Variants in MAGI1 observed in about 807,000 individuals in gnomAD.
MAGI1 encodes the protein membrane-associated guanylate kinase, WW and PDZ domain-containing protein 1.
A neutral mutation model predicts 139.9 loss-of-function variants in MAGI1; 58 were observed. The observed-to-expected ratio is 0.41, with a 90% CI of 0.34 to 0.52. The LOEUF (loss-of-function observed/expected upper bound fraction) is 0.52, where lower values mean the gene tolerates loss of function less well. Ranked by LOEUF, MAGI1 falls within the 20% of genes least tolerant of loss-of-function variation. The pLI is 0.12. For synonymous variants in MAGI1, 812 were observed against 737.9 expected (o/e 1.10, Z -1.63); for missense variants, 1,874 against 1,901.6 (o/e 0.99, Z 0.27).
chr3:65,406,010 G>A (rs1575632403), intron 12 of MAGI1, among the ~76,000 whole-genome samples: 4 of 152,206 alleles, frequency 2.6e-5, no homozygotes, highest in Non-Finnish European at 5.9e-5. Flanking sequence ...ACAGGCGTGA[G>A]CCGCCACGCC....
At chr3:66,011,836 CAAA>C (rs74963127) in intron 1 of MAGI1, among the ~76,000 whole-genome samples, 5 of 99,006 alleles carry the variant, frequency 5.1e-5, no homozygotes, top group African/African-American at 3.5e-5. Context: ...TATGCTGAAC[CAAA>C]AAAAAAAAAA....
At chr3:65,579,370 T>G (rs114217507) in intron 2 of MAGI1, among the ~76,000 whole-genome samples, 1 of 152,154 alleles carries the variant, frequency 6.6e-6, no homozygotes, top group Non-Finnish European at 1.5e-5. Context: ...TTGGGCCTTA[T>G]ACAGTTCCTT....
chr3:65,767,179 C>T (rs912171353), intron 1 of MAGI1, among the ~76,000 whole-genome samples: 4 of 152,170 alleles, frequency 2.6e-5, no homozygotes, highest in African/African-American at 4.8e-5. Flanking sequence ...CAATAATCAC[C>T]TATTCACACA....
At chr3:65,932,265 T>C (rs1459911218) in intron 1 of MAGI1, among the ~76,000 whole-genome samples, 1 of 152,210 alleles carries the variant, frequency 6.6e-6, no homozygotes, top group Non-Finnish European at 1.5e-5. Context: ...TGGATTATGT[T>C]CTTTTCAAAT....
chr3:65,709,222 G>A (rs531687495), intron 1 of MAGI1, among the ~76,000 whole-genome samples: 13 of 152,286 alleles, frequency 8.5e-5, no homozygotes, highest in African/African-American at 2.4e-4. Flanking sequence ...AAGGGGCAAC[G>A]AGAAAATATG....
chr3:65,449,505 T>C (rs981195107), intron 6 of MAGI1, among the ~76,000 whole-genome samples: 2 of 152,182 alleles, frequency 1.3e-5, no homozygotes, highest in Non-Finnish European at 2.9e-5. Flanking sequence ...CCAGGCGTGG[T>C]GTCTCATGCC....
At chr3:65,559,997 C>T (rs1237529435) in intron 2 of MAGI1, among the ~76,000 whole-genome samples, 4 of 152,168 alleles carry the variant, frequency 2.6e-5, no homozygotes, top group African/African-American at 9.7e-5. Context: ...GATTGCACCA[C>T]TACACTCCAG....
At chr3:65,809,262 G>T (rs2041065570) in intron 1 of MAGI1, among the ~76,000 whole-genome samples, 1 of 152,164 alleles carries the variant, frequency 6.6e-6, no homozygotes, top group Non-Finnish European at 1.5e-5. Flanking sequence ...CTTGTTTCCG[G>T]ACACTTCAGC....
chr3:65,943,432 G>A (rs911467895), intron 1 of MAGI1, among the ~76,000 whole-genome samples: 2 of 152,066 alleles, frequency 1.3e-5, no homozygotes, highest in African/African-American at 4.8e-5. Context: ...AAAATTAGCT[G>A]GGCGTGGTGG....
At chr3:65,647,614 T>C (rs1438907623) in intron 1 of MAGI1, among the ~76,000 whole-genome samples, 2 of 152,204 alleles carry the variant, frequency 1.3e-5, no homozygotes, top group Non-Finnish European at 2.9e-5. Context: ...GAAAATCAAT[T>C]ATTATAATCT....
intron 1 of MAGI1, among the ~76,000 whole-genome samples, chr3:65,770,864 T>C (rs1238075876): frequency 6.6e-6 from 1 of 151,932 alleles, no homozygotes; most frequent in African/African-American, 2.4e-5. Flanking sequence ...AATTTGTTTT[T>C]CTATTTTTAG....
intron 1 of MAGI1, chr3:65,954,645 A>T (rs566286374): frequency 6.6e-6 from 1 of 152,254 alleles, no homozygotes; most frequent in Non-Finnish European, 1.5e-5. Flanking sequence ...GGGAAATGGC[A>T]GTGCTGCGAC....
intron 1 of MAGI1, among the ~76,000 whole-genome samples, chr3:65,829,546 T>C (rs2042412873): frequency 6.6e-6 from 1 of 152,232 alleles, no homozygotes; most frequent in Non-Finnish European, 1.5e-5. Context: ...TGCCTTGATC[T>C]TGGACTTCCC....
chr3:65,643,402 A>T (rs2085088655), intron 1 of MAGI1, among the ~76,000 whole-genome samples: 1 of 152,166 alleles, frequency 6.6e-6, no homozygotes, highest in African/African-American at 2.4e-5. Context: ...AAAAATAAAG[A>T]GGGTGACACT....
chr3:65,444,726 C>T (rs1278753612), intron 7 of MAGI1, among the ~76,000 whole-genome samples: 1 of 152,028 alleles, frequency 6.6e-6, no homozygotes, highest in Non-Finnish European at 1.5e-5. Flanking sequence ...AAGAAGGTAC[C>T]CGTGACTTCT....
chr3:65,880,908 C>CCTGTGTGT (rs1553723026), intron 1 of MAGI1, among the ~76,000 whole-genome samples: 1 of 145,580 alleles, frequency 6.9e-6, no homozygotes, highest in African/African-American at 2.6e-5. Context: ...ATATCTCTGG[C>CCTGTGTGT]GTGTGTGTGT....
intron 1 of MAGI1, chr3:65,925,217 A>G (rs2062435310): frequency 6.6e-6 from 1 of 152,200 alleles, no homozygotes; most frequent in Non-Finnish European, 1.5e-5. Flanking sequence ...TCACCTTTAG[A>G]TTTCCACTTC....
chr3:65,972,265 T>C (rs1181290128), intron 1 of MAGI1, among the ~76,000 whole-genome samples: 1 of 152,228 alleles, frequency 6.6e-6, no homozygotes, highest in Non-Finnish European at 1.5e-5. Flanking sequence ...AAAGCCATTG[T>C]TGCTAATTCA....
At position 65,583,615 on chromosome 3, in the gene MAGI1, C is replaced by T. The variant is rs148599456; in HGVS notation, c.430+38357G>A. ...TACCAAAAGATAAACTGAACAGCAA[C>T]AGAAAGGAGGTTGAAAGCAGGAGAA... On this transcript the variant is annotated intron_variant, in intron 2 of 22. Coordinates refer to ENST00000402939, the MANE Select transcript of MAGI1 (RefSeq NM_001033057.2). Among the ~76,000 whole-genome samples, 114 of 151,930 alleles carry T rather than the reference C, an allele frequency of 7.5e-4. 1 individual carries two copies. Among genetic ancestry groups the T allele is most frequent in the African/African-American group, 2.6e-3 (109 of 41,432 alleles).
Sources: allele counts gnomAD v4.1 joint callset (sites outside exome capture counted in the v4.1 genomes callset), GRCh38; gene constraint gnomAD v4.1.1; transcripts MANE v1.5; gene names NCBI Gene and HGNC (gene_info 2026-07-23, HGNC 2026-07-21).